The following FBXO42 variants were observed in gnomAD, a reference collection of about 807,000 sequenced individuals.
FBXO42 encodes the protein F-box protein 42, also known as F-box only protein 42.
FBXO42 carries 12 observed loss-of-function variants against 71.7 expected under a neutral mutation model. The observed-to-expected ratio is 0.17, with a 90% CI of 0.11 to 0.27. The LOEUF is 0.27. Ranked by LOEUF, FBXO42 falls within the 10% of genes least tolerant of loss-of-function variation. The probability of loss-of-function intolerance (pLI) is 1.00; values close to 1 mark genes in which losing one functional copy is unlikely to be tolerated. For missense variants in FBXO42, 707 were observed against 911.9 expected (o/e 0.78, Z 2.89); for synonymous variants, 325 against 327.5 (o/e 0.99, Z 0.08).
chr1:16,271,302 T>TGTGTGTGTGTGTGTGTGTGTGTGTGTG (rs1569838041), intron 4 of FBXO42, among the ~76,000 whole-genome samples: 1 of 140,686 alleles, frequency 7.1e-6, no homozygotes, highest in African/African-American at 2.7e-5. Flanking sequence ...TGTGTGTGTG[T>TGTGTGTGTGTGTGTGTGTGTGTGTGTG]TGGCATCTAA....
intron 4 of FBXO42, among the ~76,000 whole-genome samples, chr1:16,282,942 C>T (rs2081980204): frequency 6.6e-6 from 1 of 151,024 alleles, no homozygotes; most frequent in South Asian, 2.1e-4. Flanking sequence ...GATCACACCA[C>T]TGCAGGCCAG....
intron 1 of FBXO42, among the ~76,000 whole-genome samples, chr1:16,335,545 A>G (rs1374716229): frequency 6.6e-6 from 1 of 152,036 alleles, no homozygotes; most frequent in African/African-American, 2.4e-5. Flanking sequence ...TGTAGTATTA[A>G]ACTTCATGAT....
chr1:16,262,436 G>T (rs370432420), intron 4 of FBXO42, among the ~76,000 whole-genome samples: 11 of 152,284 alleles, frequency 7.2e-5, no homozygotes, highest in African/African-American at 2.4e-4. Flanking sequence ...ATGGGGTGTG[G>T]TGGCTCAAGC....
intron 2 of FBXO42, among the ~76,000 whole-genome samples, chr1:16,310,922 C>T (rs1429044978): frequency 6.6e-6 from 1 of 151,428 alleles, no homozygotes; most frequent in Non-Finnish European, 1.5e-5. Flanking sequence ...TGCAGTGAGC[C>T]AATATTGTGC....
At chr1:16,305,272 C>G (rs920058559) in intron 3 of FBXO42, among the ~76,000 whole-genome samples, 1 of 152,044 alleles carries the variant, frequency 6.6e-6, no homozygotes, top group Non-Finnish European at 1.5e-5. Context: ...CCTGTGGGCC[C>G]AGCTACTCGG....
intron 4 of FBXO42, among the ~76,000 whole-genome samples, chr1:16,284,266 C>G (rs1343171909): frequency 6.6e-6 from 1 of 152,200 alleles, no homozygotes; most frequent in East Asian, 1.9e-4. Flanking sequence ...GTTCTACCCT[C>G]AATTATTTTA....
At chr1:16,283,866 G>GA (rs2081992964) in intron 4 of FBXO42, among the ~76,000 whole-genome samples, 1 of 152,026 alleles carries the variant, frequency 6.6e-6, no homozygotes, top group Admixed American at 6.6e-5. Context: ...AAGCAGTTTT[G>GA]AAAATCAGAA....
chr1:16,296,523 G>GCA, intron 3 of FBXO42, among the ~76,000 whole-genome samples: 2 of 151,850 alleles, frequency 1.3e-5, no homozygotes, highest in Admixed American at 6.6e-5. Flanking sequence ...GGTGGCGCAT[G>GCA]CCTGTAATCC....
chr1:16,304,417 C>G (rs1191375958), intron 3 of FBXO42, among the ~76,000 whole-genome samples: 1 of 152,004 alleles, frequency 6.6e-6, no homozygotes, highest in East Asian at 1.9e-4. Flanking sequence ...CTGAACCCAG[C>G]CCAAATTTGA....
chr1:16,334,289 C>T lies in FBXO42; in HGVS notation c.-18+17966G>A, dbSNP rs367656958. ...TCTACTAAAAATACAAAAAATTAGC[C>T]AGGTGTGGTGGCGGGTGCCTGTAGT... On this transcript the variant is annotated intron_variant, in intron 1 of 9. Coordinates refer to ENST00000375592, the MANE Select transcript of FBXO42 (RefSeq NM_018994.3). 2.0e-4 allele frequency among the ~76,000 whole-genome samples: 30 copies of T among 152,038 alleles called. No homozygotes were observed. The East Asian group carries it at 5.6e-3, about 28-fold the overall frequency.
intron 1 of FBXO42, among the ~76,000 whole-genome samples, chr1:16,350,757 A>AAAAGAAAAAAAGAAAGAAAG (rs2082695180): frequency 2.3e-5 from 1 of 44,248 alleles, no homozygotes; most frequent in Non-Finnish European, 4.1e-5. Flanking sequence ...AAAAAAAAAA[A>AAAAGAAAAAAAGAAAGAAAG]AAAGAAAGAA....
intron 4 of FBXO42, among the ~76,000 whole-genome samples, chr1:16,267,863 T>G (rs1169205507): frequency 6.6e-6 from 1 of 152,220 alleles, no homozygotes; most frequent in East Asian, 1.9e-4. Flanking sequence ...CATGAGAAAC[T>G]TTTAGATCTT....
At chr1:16,269,388 C>CTT (rs144354564) in intron 4 of FBXO42, among the ~76,000 whole-genome samples, 2 of 140,024 alleles carry the variant, frequency 1.4e-5, no homozygotes, top group African/African-American at 2.6e-5. Context: ...CGAACCCAGA[C>CTT]TTTTTTTTTT....
At position 16,304,331 on chromosome 1, in the gene FBXO42, C is replaced by A. The variant is rs539211759; in HGVS notation, c.367+1472G>T. On this transcript the variant is annotated intron_variant, in intron 3 of 9. Transcript: ENST00000375592. The stretch of plus-strand genomic sequence containing the variant: ...ACAGGGTTTCACCATGTTGGCCAGG[C>A]TGGTCTCAAACTCCTGACCTCAGGT... 2.6e-5 allele frequency among the ~76,000 whole-genome samples: 4 copies of A among 151,634 alleles called. No individual in the cohort carries two copies. The South Asian group carries it at 8.3e-4, about 32-fold the overall frequency.
At chr1:16,261,570 G>A (rs2081711802) in intron 4 of FBXO42, among the ~76,000 whole-genome samples, 1 of 152,064 alleles carries the variant, frequency 6.6e-6, no homozygotes, top group Admixed American at 6.6e-5. Context: ...TAAATCAATT[G>A]TATACCCCCA....
At chr1:16,318,183 C>T (rs1334439946) in intron 1 of FBXO42, among the ~76,000 whole-genome samples, 1 of 152,142 alleles carries the variant, frequency 6.6e-6, no homozygotes, top group Admixed American at 6.6e-5. Flanking sequence ...CTTTGGGAGG[C>T]CTAGGCGGGT....
At chr1:16,349,905 A>G (rs1191157770) in intron 1 of FBXO42, among the ~76,000 whole-genome samples, 1 of 152,222 alleles carries the variant, frequency 6.6e-6, no homozygotes, top group African/African-American at 2.4e-5. Context: ...CAATTCTGAA[A>G]TCACAAAGAT....
intron 4 of FBXO42, among the ~76,000 whole-genome samples, chr1:16,258,491 G>A (rs2081672146): frequency 6.6e-6 from 1 of 151,622 alleles, no homozygotes; most frequent in African/African-American, 2.4e-5. Context: ...CAAATAGCTA[G>A]GAATACAGGC....
At chr1:16,266,252 CTTA>C (rs2081771821) in intron 4 of FBXO42, among the ~76,000 whole-genome samples, 1 of 145,506 alleles carries the variant, frequency 6.9e-6, no homozygotes, top group Admixed American at 6.6e-5. Context: ...ATATATTTAA[CTTA>C]TTAATAAGGG....
Sources: gnomAD v4.1 joint callset for allele counts (sites outside exome capture counted in the v4.1 genomes callset) on GRCh38, gnomAD v4.1.1 for gene constraint, MANE v1.5 for transcripts, NCBI Gene and HGNC (gene_info 2026-07-23, HGNC 2026-07-21) for gene names.